CCDC180: variants seen among roughly 807,000 people sequenced by gnomAD.
The protein encoded by CCDC180 is coiled-coil domain-containing protein 180.
In CCDC180, 154 loss-of-function variants were observed where a neutral mutation model predicts 209.2. That is an observed-to-expected ratio of 0.74 (90% CI 0.65 to 0.84). The LOEUF (loss-of-function observed/expected upper bound fraction) is 0.84. CCDC180 is among the 40% of genes least tolerant of loss of function. The probability of loss-of-function intolerance (pLI) is 0.00; values close to 1 mark genes in which losing one functional copy is unlikely to be tolerated. For missense variants in CCDC180, 1,874 were observed against 1,997.3 expected (o/e 0.94, Z 1.18); for synonymous variants, 778 against 749.1 (o/e 1.04, Z -0.63).
chr9:97,335,447 C>T (rs958637474), intron 18 of CCDC180, among the ~76,000 whole-genome samples: 6 of 152,060 alleles, frequency 3.9e-5, no homozygotes, highest in African/African-American at 9.7e-5. Flanking sequence ...TCTATCCTTG[C>T]GATAGTTTGC....
chr9:97,375,572 C>G lies in CCDC180; in HGVS notation c.4825C>G (p.Arg1609Gly), dbSNP rs756553678. 9.3e-6 allele frequency: 15 copies of G among 1,614,224 alleles called. No individual in the cohort carries two copies. Among genetic ancestry groups the G allele is most frequent in the Non-Finnish European group, 1.2e-5 (14 of 1,180,050 alleles). ...GGGCCACCTGGCGGCCGTGGAAGCC[C>G]GAGATGCTGTGTACCTGGTGAGACA... ...TLGHLAAVEA[R>G]DAVYLKYLAS... Residue 1609 changes from arginine (R) to glycine (G), a missense_variant, in exon 36 of 37, where the codon CGA becomes GGA. Physicochemically the swap from Arg to Gly is moderately radical, Grantham distance 125. Coordinates refer to ENST00000529487, the MANE Select transcript of CCDC180 (RefSeq NM_020893.6).
At chr9:97,332,393 T>TG (rs913448590) in intron 18 of CCDC180, among the ~76,000 whole-genome samples, 1 of 152,226 alleles carries the variant, frequency 6.6e-6, no homozygotes, top group Non-Finnish European at 1.5e-5. Flanking sequence ...ATAGTTTTTC[T>TG]GATTCTGTGA....
intron 27 of CCDC180, 92 bp downstream of exon 27, chr9:97,361,990 G>A: frequency 6.9e-7 from 1 of 1,451,976 alleles, no homozygotes; most frequent in Non-Finnish European, 9.3e-7. Context: ...ACACACTGGG[G>A]TTCCCACGTG....
chr9:97,321,193 G>A (rs1157226589), intron 11 of CCDC180, among the ~76,000 whole-genome samples: 3 of 152,178 alleles, frequency 2.0e-5, no homozygotes, highest in Non-Finnish European at 2.9e-5. Flanking sequence ...GGTAGGTTAG[G>A]TATATTAAAT....
At chr9:97,350,588 A>G (rs1241828952) in intron 22 of CCDC180, 33 bp downstream of exon 22, 1 of 1,532,840 alleles carries the variant, frequency 6.5e-7, no homozygotes, top group Admixed American at 2.0e-5. Context: ...TCTTCAGGCC[A>G]CCTGAGTTTC....
intron 2 of CCDC180, among the ~76,000 whole-genome samples, chr9:97,308,428 T>G (rs7849353): frequency 2.6e-5 from 4 of 152,122 alleles, no homozygotes; most frequent in African/African-American, 9.7e-5. Context: ...ACATGACTAA[T>G]TTTTGTATTT....
chr9:97,350,132 C>T (rs1224057453), intron 21 of CCDC180, among the ~76,000 whole-genome samples: 2 of 152,062 alleles, frequency 1.3e-5, no homozygotes, highest in Non-Finnish European at 2.9e-5. Context: ...AGGTTGTCCT[C>T]CTTTCAGGCC....
Position 97,330,309 on chromosome 9 carries a change from T to C in CCDC180, c.1829-13T>C. The C allele has an allele frequency of 6.2e-7, 1 of 1,612,802 alleles. No individual in the cohort carries two copies. The highest frequency in any genetic ancestry group is 8.5e-7 in the Non-Finnish European group (1 of 1,179,324). Reference sequence around the variant, plus strand: ...ATTGTCTCTCCTTGTGCTTTGGTGTTTATCATCAACAGAAGCACATGAAAA... The same window carrying C: ...ATTGTCTCTCCTTGTGCTTTGGTGTCTATCATCAACAGAAGCACATGAAAA... On this transcript the variant is annotated splice_polypyrimidine_tract_variant and intron_variant, in intron 17 of 36. Coordinates refer to ENST00000529487, the MANE Select transcript of CCDC180 (RefSeq NM_020893.6).
rs1237532404 is a variant in CCDC180 at position 97,320,116 on chromosome 9, TC to T, written c.1080-8del. 1 of 1,613,420 alleles carries T rather than the reference TC, an allele frequency of 6.2e-7. No individual in the cohort carries two copies. The highest frequency in any genetic ancestry group is 1.1e-5 in the South Asian group (1 of 91,062). The stretch of plus-strand genomic sequence containing the variant: ...CCTGTGTGGCTTACTTGCTGTATCT[TC>T]CTTCCCAGTGACCTCCTGCCCCCCA... On this transcript the variant is annotated splice_polypyrimidine_tract_variant and intron_variant, in intron 10 of 36. Transcript: ENST00000529487.
rs1826299980 is a variant in CCDC180, at chr9:97,347,592, C to A, written c.2674+103C>A. ...ATTAGCTGCCCCAGTTTGTACCATG[C>A]AATGTTTAGCATGTTCTCATCACAC... On this transcript the variant is annotated intron_variant, in intron 20 of 36. Coordinates refer to ENST00000529487, the MANE Select transcript of CCDC180 (RefSeq NM_020893.6). The A allele has an allele frequency of 3.6e-6, 4 of 1,099,866 alleles. No homozygotes were observed. In the Admixed American group the frequency reaches 7.1e-5, roughly 20 times the overall value. The allele number at this position is 1,099,866 out of a possible 1,614,324, so 68.1% of individuals were successfully genotyped here.
chr9:97,307,423 A>G (rs1832827020), upstream of CCDC180: 4 of 575,994 alleles, frequency 6.9e-6, no homozygotes, highest in South Asian at 6.4e-5. Context: ...GCCTCCCTCC[A>G]ATCTACCGGG....
chr9:97,321,168 T>G lies in CCDC180; in HGVS notation c.1159+963T>G, dbSNP rs115641550. ...TGAGCACATTTAAGGTAGACTAGGC[T>G]AAGCCATGATGTTTGGTAGGTTAGG... On this transcript the variant is annotated intron_variant, in intron 11 of 36. Transcript: ENST00000529487. Among the ~76,000 whole-genome samples, 385 of 152,330 alleles carry G rather than the reference T, an allele frequency of 2.5e-3. 1 individual carries two copies. Among genetic ancestry groups the G allele is most frequent in the African/African-American group, 8.7e-3 (363 of 41,568 alleles).
chr9:97,339,699 T>G (rs541440229), intron 18 of CCDC180, among the ~76,000 whole-genome samples: 1 of 152,320 alleles, frequency 6.6e-6, no homozygotes, highest in African/African-American at 2.4e-5. Context: ...ATTTGAATGT[T>G]GGCCTGCCTT....
chr9:97,350,767 T>A (rs912759545), intron 22 of CCDC180, among the ~76,000 whole-genome samples: 1 of 152,240 alleles, frequency 6.6e-6, no homozygotes, highest in African/African-American at 2.4e-5. Flanking sequence ...CTTTTTCATC[T>A]TCCCAAACTG....
rs1259973757 is a variant in CCDC180 at position 97,374,536 on chromosome 9, C to T, written c.4601-7C>T. The T allele has an allele frequency of 6.2e-7, 1 of 1,610,108 alleles. No homozygotes were observed. The highest frequency in any genetic ancestry group is 8.5e-7 in the Non-Finnish European group (1 of 1,176,998). Reference sequence around the variant, plus strand: ...GCTGCAGTCACTAGCCTGTCTTTTGCCTCTAGGGATGGAGCCCCCCAAACA... The same window carrying T: ...GCTGCAGTCACTAGCCTGTCTTTTGTCTCTAGGGATGGAGCCCCCCAAACA... On this transcript the variant is annotated splice_region_variant and splice_polypyrimidine_tract_variant and intron_variant, in intron 34 of 36. Transcript: ENST00000529487.
intron 4 of CCDC180, among the ~76,000 whole-genome samples, chr9:97,312,685 C>T (rs930848361): frequency 6.7e-6 from 1 of 149,798 alleles, no homozygotes; most frequent in Non-Finnish European, 1.5e-5. Flanking sequence ...CCAGCCCCCA[C>T]CCCAACCCAC....
intron 18 of CCDC180, among the ~76,000 whole-genome samples, chr9:97,342,831 A>G (rs1276534775): frequency 1.3e-5 from 2 of 152,248 alleles, no homozygotes; most frequent in Non-Finnish European, 2.9e-5. Context: ...AGTGCAGGGA[A>G]GTAACTCTCA....
chr9:97,341,700 C>T (rs1017471584), intron 18 of CCDC180, among the ~76,000 whole-genome samples: 6 of 152,206 alleles, frequency 3.9e-5, no homozygotes, highest in African/African-American at 1.4e-4. Context: ...GGGAGAACCA[C>T]TGCTGTTTTC....
At chr9:97,332,789 T>A (rs888970567) in intron 18 of CCDC180, among the ~76,000 whole-genome samples, 5 of 152,170 alleles carry the variant, frequency 3.3e-5, no homozygotes, top group African/African-American at 4.8e-5. Flanking sequence ...ACCATGGGGT[T>A]TTCTAGCTAT....
Sources: allele counts gnomAD v4.1 joint callset (sites outside exome capture counted in the v4.1 genomes callset), GRCh38; gene constraint gnomAD v4.1.1; transcripts MANE v1.5; gene names NCBI Gene and HGNC (gene_info 2026-07-23, HGNC 2026-07-21).